Variants in FKBP5 observed in about 807,000 individuals in gnomAD.
FKBP5 encodes FKBP prolyl isomerase 5.
Under a neutral mutation model 50.5 loss-of-function variants are expected in FKBP5, and 23 were observed. That is an observed-to-expected ratio of 0.46 (90% confidence interval 0.33 to 0.65). The LOEUF is 0.65. Among genes scored for constraint, FKBP5 ranks in the 30% least tolerant of loss-of-function variants. FKBP5 has a pLI of 0.02. For synonymous variants in FKBP5, 176 were observed against 190.6 expected, an observed-to-expected ratio of 0.92 and a Z score of 0.63; for missense variants, 411 against 553.1, an observed-to-expected ratio of 0.74 and a Z score of 2.58.
At position 35,575,919 on chromosome 6, in the gene FKBP5, G is replaced by A; in HGVS notation, c.1290C>T (p.Gly430=). 1 of 1,612,980 alleles carries A rather than the reference G, an allele frequency of 6.2e-7. No homozygotes were observed. Among genetic ancestry groups the A allele is most frequent in the African/African-American group, 1.3e-5 (1 of 74,952 alleles). ...TAGTGACCCCTTCTGAAGTCTTCTT[G>A]CCCATTGCTTTATTGGCCTCTTCCT... ...DAKEEANKAM[G]KKTSEGVTNE... is the part of the protein sequence containing the mutation. The change falls in exon 11 of 11, where the codon GGC becomes GGT. Residue 430 remains glycine, a synonymous_variant. Coordinates refer to ENST00000357266, the MANE Select transcript of FKBP5 (RefSeq NM_004117.4).
At chr6:35,725,315 T>G (rs1433083065) in intron 1 of FKBP5, among the ~76,000 whole-genome samples, 2 of 152,180 alleles carry the variant, frequency 1.3e-5, no homozygotes, top group Admixed American at 6.5e-5. Context: ...TTACCAGGTC[T>G]GCCGAGCTCT....
intron 3 of FKBP5, among the ~76,000 whole-genome samples, chr6:35,632,255 AGATT>A (rs2150984326): frequency 6.6e-6 from 1 of 152,308 alleles, no homozygotes; most frequent in East Asian, 1.9e-4. Flanking sequence ...CAGTTCCCTT[AGATT>A]GATTCTGTCT....
intron 8 of FKBP5, chr6:35,586,220 T>C: frequency 1.0e-6 from 1 of 985,070 alleles, no homozygotes. Flanking sequence ...GCGGTTTCTT[T>C]TTTTCTTACA....
intron 5 of FKBP5, among the ~76,000 whole-genome samples, chr6:35,605,379 A>G (rs1037663089): frequency 6.2e-5 from 8 of 128,364 alleles, no homozygotes; most frequent in African/African-American, 1.2e-4. Context: ...ACCTATGACA[A>G]TATCTTTTTT....
intron 9 of FKBP5, among the ~76,000 whole-genome samples, chr6:35,578,047 CTT>C (rs1387146446): frequency 2.0e-5 from 2 of 98,336 alleles, no homozygotes; most frequent in Non-Finnish European, 4.0e-5. Context: ...GAGTGAGACT[CTT>C]GTCTCCAAAA....
chr6:35,681,046 A>G (rs549141293), intron 1 of FKBP5, among the ~76,000 whole-genome samples: 14 of 152,338 alleles, frequency 9.2e-5, no homozygotes, highest in African/African-American at 3.4e-4. Flanking sequence ...ATGAAGACAA[A>G]AGACAGCCAA....
At chr6:35,640,647 G>C (rs1369876453) in intron 2 of FKBP5, among the ~76,000 whole-genome samples, 2 of 151,414 alleles carry the variant, frequency 1.3e-5, no homozygotes, top group Non-Finnish European at 2.9e-5. Flanking sequence ...TTTTAGCTTT[G>C]ACTCTTGTAA....
intron 10 of FKBP5, 69 bp downstream of exon 10, chr6:35,576,925 T>C (rs1762237650): frequency 1.3e-6 from 2 of 1,565,464 alleles, no homozygotes; most frequent in South Asian, 1.2e-5. Flanking sequence ...TAGCTGTTCC[T>C]GTCCCCTAAA....
At chr6:35,591,270 A>G in intron 6 of FKBP5, 50 bp from the exon 7 acceptor site, 1 of 1,267,520 alleles carries the variant, frequency 7.9e-7, no homozygotes, top group Non-Finnish European at 1.1e-6. Flanking sequence ...GTGTATTTCC[A>G]GGCACTTCCT....
intron 9 of FKBP5, among the ~76,000 whole-genome samples, chr6:35,579,472 GA>G (rs1410500991): frequency 8.5e-5 from 13 of 152,070 alleles, no homozygotes; most frequent in Admixed American, 5.2e-4. Context: ...TAACGATACA[GA>G]TGATAAACCA....
intron 5 of FKBP5, among the ~76,000 whole-genome samples, chr6:35,612,733 C>T (rs1358710944): frequency 1.3e-5 from 2 of 152,210 alleles, no homozygotes; most frequent in Admixed American, 6.5e-5. Context: ...CCTGCCAGAC[C>T]CTTATAAAAC....
intron 10 of FKBP5, among the ~76,000 whole-genome samples, chr6:35,576,253 T>G (rs56002954): frequency 0.043 from 6,612 of 152,194 alleles, 219 homozygotes; most frequent in African/African-American, 0.095. Flanking sequence ...TGCCACATTT[T>G]TCAGGCTGGC....
At chr6:35,662,532 C>T (rs1320260227) in intron 1 of FKBP5, among the ~76,000 whole-genome samples, 1 of 151,922 alleles carries the variant, frequency 6.6e-6, no homozygotes, top group Admixed American at 6.6e-5. Context: ...GATCCTGCCA[C>T]CTCAGCCTCC....
intron 8 of FKBP5, chr6:35,586,735 A>G: frequency 1.6e-6 from 2 of 1,252,374 alleles, no homozygotes; most frequent in Non-Finnish European, 2.0e-6. Flanking sequence ...ACTATGTACC[A>G]AGCAAGATGC....
intron 5 of FKBP5, among the ~76,000 whole-genome samples, chr6:35,598,487 C>A (rs553999438): frequency 4.0e-5 from 6 of 151,780 alleles, no homozygotes; most frequent in Non-Finnish European, 8.8e-5. Flanking sequence ...CCTCCCAAAG[C>A]GCTGGGATTA....
intron 2 of FKBP5, among the ~76,000 whole-genome samples, chr6:35,710,997 G>A (rs1007635609): frequency 6.6e-6 from 1 of 152,156 alleles, no homozygotes; most frequent in Non-Finnish European, 1.5e-5. Context: ...ATGGGCCCTT[G>A]CTTGGGCCAG....
At chr6:35,578,915 T>A (rs903745661) in intron 9 of FKBP5, among the ~76,000 whole-genome samples, 1 of 152,006 alleles carries the variant, frequency 6.6e-6, no homozygotes, top group East Asian at 1.9e-4. Flanking sequence ...CCTCACAACT[T>A]TAATCCCAGC....
chr6:35,720,738 C>A (rs934355369), intron 1 of FKBP5, among the ~76,000 whole-genome samples: 1 of 152,154 alleles, frequency 6.6e-6, no homozygotes, highest in African/African-American at 2.4e-5. Flanking sequence ...GTCTTGGGTC[C>A]CCAGCTCCTT....
chr6:35,698,757 CA>C (rs1419046956), intron 2 of FKBP5, among the ~76,000 whole-genome samples: 1 of 152,096 alleles, frequency 6.6e-6, no homozygotes, highest in African/African-American at 2.4e-5. Flanking sequence ...TGGCAGAAGG[CA>C]AAAGGGGATC....
Sources: gnomAD v4.1 joint callset for allele counts (sites outside exome capture counted in the v4.1 genomes callset) on GRCh38, gnomAD v4.1.1 for gene constraint, MANE v1.5 for transcripts, NCBI Gene and HGNC (gene_info 2026-07-23, HGNC 2026-07-21) for gene names.